NDST4: variants seen among roughly 807,000 people sequenced by gnomAD.
NDST4 encodes N-heparan sulfate sulfotransferase 4.
NDST4 carries 63 observed loss-of-function variants against 100.8 expected under a neutral mutation model. The observed-to-expected ratio is 0.62, with a 90% confidence interval of 0.51 to 0.77. NDST4 has a LOEUF of 0.77. Ranked by LOEUF, NDST4 falls within the 30% of genes least tolerant of loss-of-function variation. The pLI, the probability that NDST4 is intolerant of heterozygous loss-of-function variation, is 0.00. For missense variants in NDST4, 943 were observed against 1,018.4 expected, an observed-to-expected ratio of 0.93 and a Z score of 1.01; for synonymous variants, 377 against 361.8, an observed-to-expected ratio of 1.04 and a Z score of -0.48.
At chr4:114,897,927 G>C (rs1197145776) in intron 6 of NDST4, among the ~76,000 whole-genome samples, 1 of 152,090 alleles carries the variant, frequency 6.6e-6, no homozygotes, top group Non-Finnish European at 1.5e-5. Flanking sequence ...TTATTGTGGA[G>C]TTTTAAGAAA....
intron 6 of NDST4, among the ~76,000 whole-genome samples, chr4:114,910,792 C>T (rs1578382905): frequency 6.6e-6 from 1 of 152,172 alleles, no homozygotes; most frequent in South Asian, 2.1e-4. Context: ...TATTCCACAT[C>T]TTAGTAAACA....
At chr4:115,096,169 C>G (rs974026957) in intron 1 of NDST4, among the ~76,000 whole-genome samples, 7 of 132,616 alleles carry the variant, frequency 5.3e-5, no homozygotes, top group Non-Finnish European at 9.6e-5. Flanking sequence ...CAAATCTACA[C>G]TTGCAATTCT....
chr4:114,850,507 C>T (rs1723653078), intron 8 of NDST4, among the ~76,000 whole-genome samples: 1 of 152,080 alleles, frequency 6.6e-6, no homozygotes, highest in African/African-American at 2.4e-5. Flanking sequence ...AAAATTATCA[C>T]CTAAATTTTT....
chr4:114,894,473 T>G (rs2218251), intron 6 of NDST4, among the ~76,000 whole-genome samples: 23,965 of 152,108 alleles, frequency 0.16, 2,373 homozygotes, highest in African/African-American at 0.29. Context: ...TTAGCTGTAT[T>G]CCTAGGTATT....
At chr4:114,832,538 C>G (rs753512759) in intron 12 of NDST4, among the ~76,000 whole-genome samples, 6 of 152,092 alleles carry the variant, frequency 3.9e-5, no homozygotes, top group South Asian at 4.1e-4. Context: ...TACATTTCTC[C>G]CCATTTTTAA....
intron 7 of NDST4, among the ~76,000 whole-genome samples, chr4:114,853,392 T>G (rs983641894): frequency 6.6e-6 from 1 of 152,190 alleles, no homozygotes; most frequent in African/African-American, 2.4e-5. Flanking sequence ...ATATCATTTT[T>G]GTATAGATAC....
intron 12 of NDST4, 37 bp from the exon 13 acceptor site, chr4:114,829,929 G>A (rs1723159698): frequency 6.7e-7 from 1 of 1,493,250 alleles, no homozygotes; most frequent in Non-Finnish European, 9.2e-7. Context: ...CAAATTGTAT[G>A]CAGAATTTTC....
At chr4:115,019,582 A>G (rs1487542486) in intron 2 of NDST4, among the ~76,000 whole-genome samples, 1 of 152,114 alleles carries the variant, frequency 6.6e-6, no homozygotes, top group African/African-American at 2.4e-5. Flanking sequence ...AATGTCATGA[A>G]ACTTATGAAG....
chr4:114,869,177 T>C (rs897471017), intron 7 of NDST4, among the ~76,000 whole-genome samples: 1 of 151,600 alleles, frequency 6.6e-6, no homozygotes, highest in Non-Finnish European at 1.5e-5. Flanking sequence ...GTCACTGATA[T>C]CCAAACATAT....
rs1328537898 is a variant in NDST4, at chr4:115,009,072, G to C, written c.979-31798C>G. ...ATGGAAGAACATTCCATGCTCATGG[G>C]TAGGAAGAATCAATATCGTGAAAAT... On this transcript the variant is annotated intron_variant, in intron 2 of 13. Coordinates refer to ENST00000264363, the MANE Select transcript of NDST4 (RefSeq NM_022569.3). 1.6e-5 allele frequency among the ~76,000 whole-genome samples: 2 copies of C among 125,664 alleles called. 1 individual carries two copies. The highest frequency in any genetic ancestry group is 6.0e-5 in the African/African-American group (2 of 33,104). The allele number at this position is 125,664 out of a possible 152,430, so 82.4% of individuals were successfully genotyped here. A position where few individuals can be genotyped will look rare whatever the true frequency, so the allele number is the denominator to read the frequency against.
rs137867170 is a variant in NDST4 at position 114,936,911 on chromosome 4, A to G, written c.1407+407T>C. Among the ~76,000 whole-genome samples, 711 of 152,352 alleles carry G rather than the reference A, an allele frequency of 4.7e-3. 6 individuals are homozygous for G. The highest frequency in any genetic ancestry group is 0.014 in the Middle Eastern group (4 of 294). On this transcript the variant is annotated intron_variant, in intron 5 of 13. Coordinates refer to ENST00000264363, the MANE Select transcript of NDST4 (RefSeq NM_022569.3). ...TATTTGTAACATTCTGTCTGTTGAC[A>G]GAATAACAACTTGAGAGGTGTTTTC...
chr4:114,877,628 G>A (rs1393453959), intron 6 of NDST4, among the ~76,000 whole-genome samples: 2 of 152,140 alleles, frequency 1.3e-5, no homozygotes, highest in Non-Finnish European at 2.9e-5. Context: ...GATGTTTCAA[G>A]ATTTATTCCT....
rs1723156669 is a variant in NDST4, at chr4:114,829,844, C to A, written c.2445G>T (p.Lys815Asn). 6.2e-7 allele frequency: 1 copy of A among 1,611,954 alleles called. No individual in the cohort carries two copies. The highest frequency in any genetic ancestry group is 8.5e-7 in the Non-Finnish European group (1 of 1,179,466). The stretch of plus-strand genomic sequence containing the variant: ...CTTTGCTTTTTCCAAGGCATTTTGT[C>A]TTTCCTCCTTCCAGTAATTGACACC... Reference protein sequence around the residue: ...GFWCQLLEGGKTKCLGKSKGR... With the variant: ...GFWCQLLEGGNTKCLGKSKGR... The change falls in exon 13 of 14, where the codon AAG becomes AAT. Residue 815 changes from lysine (K) to asparagine (N), a missense_variant. Physicochemically the swap from Lys to Asn is moderately conservative, Grantham distance 94. Transcript: ENST00000264363.
At chr4:114,884,254 T>C (rs1239301625) in intron 6 of NDST4, among the ~76,000 whole-genome samples, 1 of 152,054 alleles carries the variant, frequency 6.6e-6, no homozygotes, top group Admixed American at 6.6e-5. Context: ...TATTCACACA[T>C]GCATGTGTGC....
chr4:115,027,605 T>C (rs1728015106), intron 2 of NDST4, among the ~76,000 whole-genome samples: 1 of 152,166 alleles, frequency 6.6e-6, no homozygotes, highest in Non-Finnish European at 1.5e-5. Context: ...ATAACACAGA[T>C]ACAAATTTTG....
chr4:115,022,111 A>G lies in NDST4; in HGVS notation c.979-44837T>C, dbSNP rs111205515. ...CCATATATACACGTTCCACGTCTAT[A>G]CACGTTCCATATATATATACGTTCC... On this transcript the variant is annotated intron_variant, in intron 2 of 13. Transcript: ENST00000264363. Among the ~76,000 whole-genome samples, 1,115 of 132,806 alleles carry G rather than the reference A, an allele frequency of 8.4e-3. 51 individuals carry two copies. The highest frequency in any genetic ancestry group is 0.041 in the African/African-American group (1,023 of 25,232). The allele number at this position is 132,806 out of a possible 152,430, so 87.1% of individuals were successfully genotyped here.
chr4:115,075,296 T>C (rs773479313), intron 2 of NDST4, among the ~76,000 whole-genome samples: 1 of 152,214 alleles, frequency 6.6e-6, no homozygotes, highest in Non-Finnish European at 1.5e-5. Flanking sequence ...TTTGAGATTA[T>C]AGAAAGGTCT....
chr4:114,837,569 A>G (rs1433977255), intron 11 of NDST4, among the ~76,000 whole-genome samples: 1 of 152,202 alleles, frequency 6.6e-6, no homozygotes, highest in Non-Finnish European at 1.5e-5. Context: ...AAAAACAAGC[A>G]ATGAGGAAAG....
chr4:114,991,260 GT>G (rs1727033471), intron 2 of NDST4, among the ~76,000 whole-genome samples: 1 of 151,984 alleles, frequency 6.6e-6, no homozygotes, highest in African/African-American at 2.4e-5. Context: ...CTAAGACTTT[GT>G]AAAAAATGAA....
Sources: allele counts gnomAD v4.1 joint callset (sites outside exome capture counted in the v4.1 genomes callset), GRCh38; gene constraint gnomAD v4.1.1; transcripts MANE v1.5; gene names NCBI Gene and HGNC (gene_info 2026-07-23, HGNC 2026-07-21).